The following CAMK2D variants were observed in gnomAD, a reference collection of about 807,000 sequenced individuals.
CAMK2D encodes calcium/calmodulin dependent protein kinase II delta, also known as calcium/calmodulin-dependent protein kinase type II subunit delta.
In CAMK2D, 37 loss-of-function variants were observed where a neutral mutation model predicts 84.0. The ratio of observed to expected loss-of-function variants is 0.44; its 90% confidence interval spans 0.34 to 0.58. The LOEUF (loss-of-function observed/expected upper bound fraction) is 0.58. Among genes scored for constraint, CAMK2D ranks in the 20% least tolerant of loss-of-function variants. CAMK2D has a pLI of 0.02. For synonymous variants in CAMK2D, 202 were observed against 212.5 expected (o/e 0.95, Z 0.43); for missense variants, 448 against 652.5 (o/e 0.69, Z 3.41).
chr4:113,727,338 T>C (rs2099549137), intron 2 of CAMK2D, among the ~76,000 whole-genome samples: 1 of 152,186 alleles, frequency 6.6e-6, no homozygotes, highest in Non-Finnish European at 1.5e-5. Flanking sequence ...GACAATGTGA[T>C]ATTGGCATAA....
chr4:113,671,727 C>CA (rs765531809), intron 2 of CAMK2D, among the ~76,000 whole-genome samples: 2 of 152,162 alleles, frequency 1.3e-5, no homozygotes, highest in Non-Finnish European at 2.9e-5. Context: ...GAAATACACC[C>CA]ACCTCCCAGT....
intron 2 of CAMK2D, among the ~76,000 whole-genome samples, chr4:113,687,542 C>G (rs184410838): frequency 6.6e-6 from 1 of 152,168 alleles, no homozygotes; most frequent in African/African-American, 2.4e-5. Flanking sequence ...CCCTCCAACT[C>G]GAAATCAACA....
At chr4:113,493,538 G>C (rs2097877065) in intron 16 of CAMK2D, among the ~76,000 whole-genome samples, 1 of 152,140 alleles carries the variant, frequency 6.6e-6, no homozygotes, top group South Asian at 2.1e-4. Context: ...GCTTCCCTTT[G>C]AGGGTGACCC....
chr4:113,759,255 A>T, intron 2 of CAMK2D, 65 bp downstream of exon 2: 1 of 972,494 alleles, frequency 1.0e-6, no homozygotes, highest in Non-Finnish European at 1.6e-6. Flanking sequence ...ATTTACATAC[A>T]ACAGAACCTA....
intron 2 of CAMK2D, among the ~76,000 whole-genome samples, chr4:113,704,123 G>T (rs866284858): frequency 4.6e-5 from 7 of 151,866 alleles, no homozygotes; most frequent in Non-Finnish European, 7.4e-5. Context: ...CTTTCCCATA[G>T]TGTTTATCTG....
At chr4:113,679,381 C>A in intron 2 of CAMK2D, 17 of 703,666 alleles carry the variant, frequency 2.4e-5, no homozygotes, top group East Asian at 1.3e-4. Context: ...CTAACACATG[C>A]GGTTGTTTTT....
In CAMK2D at chr4:113,544,553, T is replaced by G. The variant is rs146450936; in HGVS notation, c.414+3091A>C. On this transcript the variant is annotated intron_variant, in intron 6 of 20. Transcript: ENST00000511664. ...TGTGGTTGCTAAATTTTCGTTTACA[T>G]ACTATGAGGATGATCAGAGCACCTT... is the stretch of plus-strand genomic sequence containing the variant. Among the ~76,000 whole-genome samples the G allele has an allele frequency of 2.6e-4, 39 of 152,354 alleles. 1 individual carries two copies. The highest frequency in any genetic ancestry group is 9.1e-4 in the African/African-American group (38 of 41,590).
At chr4:113,539,847 C>A (rs1366914239) in intron 6 of CAMK2D, among the ~76,000 whole-genome samples, 1 of 151,674 alleles carries the variant, frequency 6.6e-6, no homozygotes, top group East Asian at 1.9e-4. Flanking sequence ...AATTATATAA[C>A]GAAAATGTAA....
At chr4:113,548,600 C>A (rs751046460) in intron 5 of CAMK2D, 6 of 854,690 alleles carry the variant, frequency 7.0e-6, no homozygotes, top group Non-Finnish European at 1.2e-5. Flanking sequence ...TCTGCCCTTT[C>A]CCCAGAAAAA....
chr4:113,685,325 G>A (rs1389675668), intron 2 of CAMK2D, among the ~76,000 whole-genome samples: 1 of 149,938 alleles, frequency 6.7e-6, no homozygotes, highest in Non-Finnish European at 1.5e-5. Flanking sequence ...TGCAGCCTCT[G>A]CCTCCCAGGG....
At chr4:113,576,132 C>G (rs2098780764) in intron 4 of CAMK2D, among the ~76,000 whole-genome samples, 1 of 152,114 alleles carries the variant, frequency 6.6e-6, no homozygotes, top group Admixed American at 6.6e-5. Context: ...AACTCCTTGT[C>G]TCAAGCAATC....
intron 3 of CAMK2D, among the ~76,000 whole-genome samples, chr4:113,653,838 AGAACCTGAG>A (rs1592545218): frequency 6.6e-6 from 1 of 152,054 alleles, no homozygotes; most frequent in African/African-American, 2.4e-5. Context: ...GGTTCCTTAC[AGAACCTGAG>A]GAACCTAGAA....
chr4:113,588,959 G>A (rs1457467041), intron 4 of CAMK2D, among the ~76,000 whole-genome samples: 1 of 152,174 alleles, frequency 6.6e-6, no homozygotes, highest in African/African-American at 2.4e-5. Flanking sequence ...TTAGATTGGT[G>A]GGCAGGGAAG....
At chr4:113,556,335 G>A (rs886472726) in intron 4 of CAMK2D, among the ~76,000 whole-genome samples, 12 of 152,182 alleles carry the variant, frequency 7.9e-5, no homozygotes, top group African/African-American at 2.9e-4. Context: ...AATTTGGGGA[G>A]CAGAGAAGGG....
intron 12 of CAMK2D, among the ~76,000 whole-genome samples, chr4:113,510,805 G>T (rs2098201660): frequency 6.6e-6 from 1 of 151,816 alleles, no homozygotes; most frequent in African/African-American, 2.4e-5. Context: ...ATATCATATT[G>T]GTATATTTTT....
intron 16 of CAMK2D, among the ~76,000 whole-genome samples, chr4:113,489,970 C>T (rs1304600361): frequency 1.3e-5 from 2 of 151,184 alleles, no homozygotes; most frequent in Non-Finnish European, 2.9e-5. Context: ...ATATCCTTTG[C>T]CCACTTTTTG....
intron 8 of CAMK2D, among the ~76,000 whole-genome samples, chr4:113,523,361 C>G (rs1269621574): frequency 6.6e-6 from 1 of 151,832 alleles, no homozygotes; most frequent in Non-Finnish European, 1.5e-5. Flanking sequence ...TGTTAAAGTG[C>G]AAATTCCTGA....
At chr4:113,479,929 T>C (rs1289271544) in intron 16 of CAMK2D, among the ~76,000 whole-genome samples, 3 of 152,160 alleles carry the variant, frequency 2.0e-5, no homozygotes, top group African/African-American at 7.2e-5. Flanking sequence ...AAATTACTTT[T>C]GTAGGTAAAA....
intron 2 of CAMK2D, among the ~76,000 whole-genome samples, chr4:113,744,957 C>T (rs1175056615): frequency 6.6e-6 from 1 of 152,192 alleles, no homozygotes; most frequent in East Asian, 1.9e-4. Flanking sequence ...TCTTGATTCT[C>T]ACTTCTCAAC....
Sources: allele counts gnomAD v4.1 joint callset (sites outside exome capture counted in the v4.1 genomes callset), GRCh38; gene constraint gnomAD v4.1.1; transcripts MANE v1.5; gene names NCBI Gene and HGNC (gene_info 2026-07-23, HGNC 2026-07-21).